Variants in POU6F2 observed in about 807,000 individuals in gnomAD.
POU6F2 encodes POU class 6 homeobox 2.
In POU6F2, 31 loss-of-function variants were observed where a neutral mutation model predicts 71.3. That is an observed-to-expected ratio of 0.43 (90% CI 0.33 to 0.59). The LOEUF is 0.59. Ranked by LOEUF, POU6F2 falls within the 20% of genes least tolerant of loss-of-function variation. The pLI is 0.04. For synonymous variants in POU6F2, 347 were observed against 355.7 expected, an observed-to-expected ratio of 0.98 and a Z score of 0.27; for missense variants, 783 against 856.8, an observed-to-expected ratio of 0.91 and a Z score of 1.07.
intron 5 of POU6F2, chr7:39,373,680 C>A: frequency 2.9e-6 from 1 of 350,714 alleles, no homozygotes; most frequent in Admixed American, 3.7e-5. Context: ...AAAGAATAAG[C>A]TCCCAGATTT....
chr7:39,137,911 C>T (rs1170873932), intron 2 of POU6F2, among the ~76,000 whole-genome samples: 3 of 152,146 alleles, frequency 2.0e-5, no homozygotes, highest in African/African-American at 7.2e-5. Context: ...AGAGAGATTC[C>T]TATAAGCCTA....
chr7:39,179,519 G>A (rs567719817), intron 2 of POU6F2, among the ~76,000 whole-genome samples: 3 of 151,502 alleles, frequency 2.0e-5, no homozygotes, highest in Admixed American at 6.6e-5. Flanking sequence ...GAGACCGCAC[G>A]CGCGCACATG....
chr7:39,044,835 AT>A (rs199738433), intron 1 of POU6F2, among the ~76,000 whole-genome samples: 4 of 151,388 alleles, frequency 2.6e-5, no homozygotes, highest in African/African-American at 2.4e-5. Context: ...GAAGGCTGTG[AT>A]TTTTTTTTGT....
chr7:39,280,860 A>G (rs1784550670), intron 4 of POU6F2, among the ~76,000 whole-genome samples: 1 of 152,232 alleles, frequency 6.6e-6, no homozygotes, highest in African/African-American at 2.4e-5. Context: ...CAGATCCTAT[A>G]TTTGCAGTCT....
chr7:39,273,142 T>C (rs1020380740), intron 4 of POU6F2, among the ~76,000 whole-genome samples: 2 of 152,124 alleles, frequency 1.3e-5, no homozygotes, highest in African/African-American at 4.8e-5. Context: ...GAATTTCAAA[T>C]AACATATAGA....
At chr7:39,443,216 A>G (rs1468103037) in intron 7 of POU6F2, among the ~76,000 whole-genome samples, 1 of 152,058 alleles carries the variant, frequency 6.6e-6, no homozygotes, top group Non-Finnish European at 1.5e-5. Context: ...TAGCAACTGG[A>G]AAAAAAAGCC....
At chr7:39,012,052 T>G (rs1219622289) in intron 1 of POU6F2, among the ~76,000 whole-genome samples, 1 of 152,092 alleles carries the variant, frequency 6.6e-6, no homozygotes. Context: ...CTGTATTCCC[T>G]GAATCTGAAC....
intron 2 of POU6F2, among the ~76,000 whole-genome samples, chr7:39,124,235 C>T (rs1389345172): frequency 6.6e-6 from 1 of 151,944 alleles, no homozygotes; most frequent in Non-Finnish European, 1.5e-5. Context: ...TTAGTAGAAA[C>T]GGGGTTTCAC....
intron 5 of POU6F2, among the ~76,000 whole-genome samples, chr7:39,378,755 A>T (rs1786760025): frequency 6.6e-6 from 1 of 152,254 alleles, no homozygotes; most frequent in African/African-American, 2.4e-5. Context: ...TTCCAGGAAC[A>T]CCAATGTGAA....
chr7:39,172,686 C>T (rs1371700439), intron 2 of POU6F2, among the ~76,000 whole-genome samples: 3 of 151,192 alleles, frequency 2.0e-5, no homozygotes, highest in African/African-American at 7.3e-5. Flanking sequence ...AGTGGTGTGA[C>T]CTTGACTCAC....
At chr7:39,134,220 A>G (rs1304407519) in intron 2 of POU6F2, among the ~76,000 whole-genome samples, 2 of 152,188 alleles carry the variant, frequency 1.3e-5, no homozygotes, top group African/African-American at 2.4e-5. Context: ...GTGGACAGAA[A>G]CTATCACTTA....
chr7:39,011,771 C>T (rs1241112571), intron 1 of POU6F2, among the ~76,000 whole-genome samples: 1 of 148,000 alleles, frequency 6.8e-6, no homozygotes, highest in East Asian at 2.0e-4. Flanking sequence ...TTTATTTCTC[C>T]TTCACTTATG....
intron 4 of POU6F2, among the ~76,000 whole-genome samples, chr7:39,272,311 C>T (rs1024278648): frequency 1.3e-5 from 2 of 152,160 alleles, no homozygotes; most frequent in Non-Finnish European, 2.9e-5. Context: ...TCCTCCACTC[C>T]CATCACAGTT....
chr7:39,043,066 G>C (rs73120480), intron 1 of POU6F2, among the ~76,000 whole-genome samples: 25,225 of 151,910 alleles, frequency 0.17, 2,519 homozygotes, highest in Non-Finnish European at 0.23. Context: ...TAATGGGGGA[G>C]TGTTAGGCTT....
At chr7:39,405,798 T>C (rs958681638) in intron 5 of POU6F2, among the ~76,000 whole-genome samples, 5 of 152,166 alleles carry the variant, frequency 3.3e-5, no homozygotes, top group Admixed American at 1.3e-4. Context: ...AAACAGATTT[T>C]GGCAGCCATA....
chr7:39,209,613 G>A (rs1368261893), intron 4 of POU6F2, among the ~76,000 whole-genome samples: 3 of 152,154 alleles, frequency 2.0e-5, no homozygotes, highest in Admixed American at 6.5e-5. Context: ...AGGGCAATAA[G>A]GATGGTAATC....
chr7:38,987,469 T>C (rs1021112702), intron 1 of POU6F2, among the ~76,000 whole-genome samples: 14 of 152,156 alleles, frequency 9.2e-5, no homozygotes, highest in African/African-American at 3.4e-4. Flanking sequence ...AGTTAGTGTA[T>C]CTAGATTAGT....
intron 4 of POU6F2, among the ~76,000 whole-genome samples, chr7:39,248,904 A>T (rs1180648951): frequency 2.0e-5 from 3 of 152,138 alleles, no homozygotes; most frequent in African/African-American, 4.8e-5. Flanking sequence ...AGCATTTCTC[A>T]CACTGCCCCT....
At chr7:39,240,475 T>C (rs539857742) in intron 4 of POU6F2, among the ~76,000 whole-genome samples, 52 of 152,266 alleles carry the variant, frequency 3.4e-4, no homozygotes, top group Admixed American at 9.2e-4. Flanking sequence ...ATTTCTAATA[T>C]GCCTCTCAAT....
Sources: allele counts gnomAD v4.1 joint callset (sites outside exome capture counted in the v4.1 genomes callset), GRCh38; gene constraint gnomAD v4.1.1; transcripts MANE v1.5; gene names NCBI Gene and HGNC (gene_info 2026-07-23, HGNC 2026-07-21).